The following ANKRD17 variants were observed in gnomAD, a reference collection of about 807,000 sequenced individuals.
ANKRD17 encodes ankyrin repeat domain 17, also known as ankyrin repeat domain-containing protein 17.
ANKRD17 carries 19 observed loss-of-function variants against 229.7 expected under a neutral mutation model. The ratio of observed to expected loss-of-function variants is 0.08; its 90% confidence interval spans 0.06 to 0.12. ANKRD17 has a LOEUF of 0.12. Among genes scored for constraint, ANKRD17 ranks in the 10% least tolerant of loss-of-function variants. ANKRD17 has a pLI of 1.00. For missense variants in ANKRD17, 2,176 were observed against 3,176.8 expected, an observed-to-expected ratio of 0.68 and a Z score of 7.57; for synonymous variants, 1,112 against 1,146.1, an observed-to-expected ratio of 0.97 and a Z score of 0.60.
intron 1 of ANKRD17, among the ~76,000 whole-genome samples, chr4:73,226,015 G>C (rs1227836740): frequency 6.2e-5 from 6 of 96,894 alleles, no homozygotes; most frequent in Admixed American, 3.2e-4. Context: ...TCGCTCTGTT[G>C]CCCAGGTTGG....
chr4:73,102,699 C>A, intron 24 of ANKRD17, 152 bp from the exon 25 acceptor site: 1 of 818,160 alleles, frequency 1.2e-6, no homozygotes. Context: ...CATATTCAAA[C>A]CACTCTAAAG....
At chr4:73,235,251 A>G (rs973619961) in intron 1 of ANKRD17, among the ~76,000 whole-genome samples, 2 of 152,192 alleles carry the variant, frequency 1.3e-5, no homozygotes, top group African/African-American at 2.4e-5. Flanking sequence ...TCTGGCTAGA[A>G]TATCCCATTC....
intron 1 of ANKRD17, among the ~76,000 whole-genome samples, chr4:73,234,846 C>G (rs1361738106): frequency 6.6e-6 from 1 of 152,192 alleles, no homozygotes; most frequent in African/African-American, 2.4e-5. Flanking sequence ...GGAAGCCCAA[C>G]TGACCTAGCA....
In ANKRD17 at chr4:73,085,208, C is replaced by T. The variant is rs986450112; in HGVS notation, c.7159+41G>A. ...TTGAAACCTGCTGTTTTTAAGAAAA[C>T]ATATGCAGATTCTTATGGAATTACG... is the stretch of plus-strand genomic sequence containing the variant. On this transcript the variant is annotated intron_variant, in intron 30 of 33. Transcript: ENST00000358602. 10 of 1,584,808 alleles carry T rather than the reference C, an allele frequency of 6.3e-6. No homozygotes were observed. In the South Asian group the frequency reaches 8.9e-5, roughly 14 times the overall value.
At chr4:73,244,842 G>C (rs189011658) in intron 1 of ANKRD17, among the ~76,000 whole-genome samples, 5 of 152,246 alleles carry the variant, frequency 3.3e-5, no homozygotes, top group Admixed American at 6.5e-5. Context: ...TACAGTTGCA[G>C]AACATTTAGT....
chr4:73,080,696 C>G (rs1165351077), intron 30 of ANKRD17: 1 of 152,222 alleles, frequency 6.6e-6, no homozygotes, highest in Non-Finnish European at 1.5e-5. Flanking sequence ...CCTGCTTTCC[C>G]CTAGGTTCAT....
chr4:73,135,047 T>C, intron 16 of ANKRD17, 70 bp downstream of exon 16: 1 of 1,472,714 alleles, frequency 6.8e-7, no homozygotes, highest in Non-Finnish European at 9.3e-7. Context: ...TTTAAATCTC[T>C]GAAAGTTAAT....
intron 1 of ANKRD17, among the ~76,000 whole-genome samples, chr4:73,220,697 GA>G (rs1177201478): frequency 6.6e-6 from 1 of 151,710 alleles, no homozygotes; most frequent in Non-Finnish European, 1.5e-5. Context: ...ACAAAGACAG[GA>G]AAAAAAGAGT....
chr4:73,251,896 A>G (rs1745064316), intron 1 of ANKRD17, among the ~76,000 whole-genome samples: 1 of 152,236 alleles, frequency 6.6e-6, no homozygotes, highest in Non-Finnish European at 1.5e-5. Context: ...AAAATATGCT[A>G]CTTTGATGCT....
chr4:73,188,053 T>C (rs531386935), intron 1 of ANKRD17, among the ~76,000 whole-genome samples: 2 of 152,204 alleles, frequency 1.3e-5, no homozygotes, highest in South Asian at 2.1e-4. Context: ...AACCTGATCA[T>C]ATCTTAAGCA....
chr4:73,086,361 AT>A (rs769529452), intron 29 of ANKRD17, among the ~76,000 whole-genome samples: 11 of 152,138 alleles, frequency 7.2e-5, no homozygotes, highest in Non-Finnish European at 1.3e-4. Context: ...ACCTTTAGGG[AT>A]TTTTAGATAA....
chr4:73,196,092 C>A (rs1195305368), intron 1 of ANKRD17, among the ~76,000 whole-genome samples: 1 of 150,510 alleles, frequency 6.6e-6, no homozygotes, highest in Admixed American at 6.6e-5. Context: ...ACAGCCTCTG[C>A]CTCCCAGAGT....
intron 1 of ANKRD17, among the ~76,000 whole-genome samples, chr4:73,217,170 G>A (rs1204135356): frequency 6.6e-6 from 1 of 152,212 alleles, no homozygotes; most frequent in Non-Finnish European, 1.5e-5. Context: ...CGATGGATCA[G>A]TGGGAAACTA....
At chr4:73,145,223 T>A (rs1336288962) in intron 10 of ANKRD17, among the ~76,000 whole-genome samples, 1 of 152,180 alleles carries the variant, frequency 6.6e-6, no homozygotes, top group African/African-American at 2.4e-5. Flanking sequence ...ATAATGAGCA[T>A]TATCCTCATC....
At chr4:73,107,147 T>C (rs1724743772) in intron 24 of ANKRD17, among the ~76,000 whole-genome samples, 2 of 152,142 alleles carry the variant, frequency 1.3e-5, no homozygotes, top group Non-Finnish European at 1.5e-5. Flanking sequence ...ACAGCTAATA[T>C]ATAGAGGGTC....
At chr4:73,151,297 A>C (rs1730977330) in intron 7 of ANKRD17, 133 bp downstream of exon 7, 1 of 727,606 alleles carries the variant, frequency 1.4e-6, no homozygotes, top group Non-Finnish European at 2.2e-6. Context: ...ATAGAAGTTA[A>C]TGTTGTACAA....
chr4:73,211,966 G>A (rs1332041922), intron 1 of ANKRD17, among the ~76,000 whole-genome samples: 1 of 151,828 alleles, frequency 6.6e-6, no homozygotes, highest in African/African-American at 2.4e-5. Flanking sequence ...AAAGAAAAAT[G>A]TATAGTATTT....
chr4:73,125,990 A>G (rs1727415288), intron 16 of ANKRD17, among the ~76,000 whole-genome samples: 1 of 152,216 alleles, frequency 6.6e-6, no homozygotes, highest in Non-Finnish European at 1.5e-5. Context: ...GTGTTTAGAC[A>G]GGCAGTGCAG....
At chr4:73,209,453 G>GA (rs919302832) in intron 1 of ANKRD17, among the ~76,000 whole-genome samples, 10 of 151,606 alleles carry the variant, frequency 6.6e-5, no homozygotes, top group African/African-American at 1.9e-4. Flanking sequence ...AAATCTGACA[G>GA]AAAAAAAATC....
Sources: allele counts gnomAD v4.1 joint callset (sites outside exome capture counted in the v4.1 genomes callset), GRCh38; gene constraint gnomAD v4.1.1; transcripts MANE v1.5; gene names NCBI Gene and HGNC (gene_info 2026-07-23, HGNC 2026-07-21).